Variants in CNOT1 observed in about 807,000 individuals in gnomAD.
CNOT1 encodes CCR4-NOT transcription complex subunit 1.
A neutral mutation model predicts 273.8 loss-of-function variants in CNOT1; 15 were observed. The ratio of observed to expected loss-of-function variants is 0.05; its 90% confidence interval spans 0.04 to 0.08. The LOEUF (loss-of-function observed/expected upper bound fraction) is 0.08, where lower values mean the gene tolerates loss of function less well. CNOT1 is among the 10% of genes least tolerant of loss of function. The probability of loss-of-function intolerance (pLI) is 1.00; values close to 1 mark genes in which losing one functional copy is unlikely to be tolerated. For synonymous variants in CNOT1, 1,022 were observed against 1,005.5 expected, an observed-to-expected ratio of 1.02 and a Z score of -0.31; for missense variants, 1,644 against 2,912.2, an observed-to-expected ratio of 0.56 and a Z score of 10.02.
chr16:58,603,255 CATG>C (rs1255162127), intron 1 of CNOT1, among the ~76,000 whole-genome samples: 5 of 152,124 alleles, frequency 3.3e-5, no homozygotes, highest in Non-Finnish European at 5.9e-5. Context: ...AAAACCCAGG[CATG>C]GTGGCTCACA....
intron 16 of CNOT1, among the ~76,000 whole-genome samples, chr16:58,569,559 A>ACAC (rs1385662238): frequency 2.0e-5 from 3 of 152,002 alleles, no homozygotes; most frequent in Non-Finnish European, 4.4e-5. Flanking sequence ...TTCCCATCAG[A>ACAC]TACTACACTC....
At chr16:58,558,764 T>C in intron 17 of CNOT1, 90 bp from the exon 18 acceptor site, 1 of 1,512,504 alleles carries the variant, frequency 6.6e-7, no homozygotes. Flanking sequence ...CTCTTCATAA[T>C]CTTAAAAAGC....
At chr16:58,545,544 T>C (rs778048998) in intron 29 of CNOT1, 53 bp from the exon 30 acceptor site, 26 of 1,606,180 alleles carry the variant, frequency 1.6e-5, no homozygotes, top group African/African-American at 4.0e-5. Context: ...TTGACTTTAT[T>C]ATAAAATTAG....
chr16:58,575,583 A>T (rs146055049), intron 14 of CNOT1, among the ~76,000 whole-genome samples: 2 of 152,072 alleles, frequency 1.3e-5, no homozygotes, highest in Non-Finnish European at 2.9e-5. Context: ...TGGATCACCT[A>T]AAGTCAGGAG....
intron 29 of CNOT1, 120 bp from the exon 30 acceptor site, chr16:58,545,611 G>GAACC: frequency 1.0e-5 from 15 of 1,473,642 alleles, no homozygotes; most frequent in East Asian, 2.5e-5. Context: ...GGAGAGGAGG[G>GAACC]AAGGATGTAG....
At chr16:58,613,134 C>A (rs532056843) in intron 1 of CNOT1, among the ~76,000 whole-genome samples, 1 of 152,206 alleles carries the variant, frequency 6.6e-6, no homozygotes, top group African/African-American at 2.4e-5. Flanking sequence ...CAGGTTCAAG[C>A]GATTCTCCTG....
At chr16:58,609,362 ACT>A (rs1435747341) in intron 1 of CNOT1, among the ~76,000 whole-genome samples, 5 of 138,446 alleles carry the variant, frequency 3.6e-5, no homozygotes, top group African/African-American at 1.2e-4. Flanking sequence ...ACAGAGGGAG[ACT>A]CTGTCTCAAA....
intron 25 of CNOT1, among the ~76,000 whole-genome samples, chr16:58,549,296 G>GGAAAAAAAAAAAAAAA: frequency 8.4e-6 from 1 of 119,586 alleles, no homozygotes; most frequent in Non-Finnish European, 1.7e-5. Flanking sequence ...CAAAAAAATT[G>GGAAAAAAAAAAAAAAA]AAAAAAAAAA....
In CNOT1 at chr16:58,528,463, T is replaced by C. The variant is rs189458094; in HGVS notation, c.6453+12A>G. ...AAGACATAAGTTTTCCTTTAACTAG[T>C]TGGAACCTTACCTTTAGATTAGGAG... is the stretch of plus-strand genomic sequence containing the variant. On this transcript the variant is annotated intron_variant, in intron 44 of 48. Coordinates refer to ENST00000317147, the MANE Select transcript of CNOT1 (RefSeq NM_016284.5). 9.8e-4 allele frequency: 1,568 copies of C among 1,602,266 alleles called. 1 individual carries two copies. Among genetic ancestry groups the C allele is most frequent in the Non-Finnish European group, 1.3e-3 (1,493 of 1,170,818 alleles).
rs1326406314 is a variant in CNOT1, at chr16:58,528,620, A to G, written c.6308T>C (p.Leu2103Ser). The stretch of plus-strand genomic sequence containing the variant: ...ACAAAGGAACTCTGGGAAATCATGC[A>G]AAAGAACCAGCAGCACTCTTAAAGT... The part of the protein sequence containing the change: ...KGTLRVLLVL[L>S]HDFPEFLCDY... Residue 2103 changes from leucine (L) to serine (S), a missense_variant, in exon 44 of 49, where the codon TTG becomes TCG. By Grantham distance (145) the Leu-to-Ser change is moderately radical (BLOSUM62 -2). Transcript: ENST00000317147. 1 of 1,613,708 alleles carries G rather than the reference A, an allele frequency of 6.2e-7. No homozygotes were observed.
intron 23 of CNOT1, 83 bp downstream of exon 23, chr16:58,551,506 G>T (rs1237051907): frequency 6.9e-7 from 1 of 1,447,348 alleles, no homozygotes; most frequent in African/African-American, 1.4e-5. Context: ...CATGTGTTAT[G>T]ATAAAATTCT....
At chr16:58,579,423 G>A (rs573001183) in intron 12 of CNOT1, among the ~76,000 whole-genome samples, 1 of 152,092 alleles carries the variant, frequency 6.6e-6, no homozygotes, top group Non-Finnish European at 1.5e-5. Flanking sequence ...CCTATATTAA[G>A]GAACTGTTAT....
chr16:58,553,864 C>T lies in CNOT1; in HGVS notation c.2892-4G>A. 1 of 1,603,940 alleles carries T rather than the reference C, an allele frequency of 6.2e-7. No homozygotes were observed. Among genetic ancestry groups the T allele is most frequent in the East Asian group, 2.3e-5 (1 of 43,964 alleles). ...ATACTGGGGATAGTCCTTCAATCTG[C>T]CAACAAAATTATTCTACCATCATTT... On this transcript the variant is annotated splice_region_variant and splice_polypyrimidine_tract_variant and intron_variant, in intron 21 of 48. Coordinates refer to ENST00000317147, the MANE Select transcript of CNOT1 (RefSeq NM_016284.5).
intron 47 of CNOT1, 101 bp downstream of exon 47, chr16:58,523,269 A>T: frequency 7.6e-7 from 1 of 1,318,000 alleles, no homozygotes; most frequent in Non-Finnish European, 1.0e-6. Flanking sequence ...AAAACCAACC[A>T]AACGGATTTT....
At position 58,559,256 on chromosome 16, in the gene CNOT1, A is replaced by G. The variant is rs955706459; in HGVS notation, c.2131-582T>C. Among the ~76,000 whole-genome samples, 67 of 152,318 alleles carry G rather than the reference A, an allele frequency of 4.4e-4. No individual in the cohort carries two copies. The Middle Eastern group carries it at 0.01, about 23-fold the overall frequency. Reference sequence around the variant, plus strand: ...TTTACAGATTAAGGATGCTCAACCTATAACAGAGCCATAAAAAGGGCTACA... The same window carrying G: ...TTTACAGATTAAGGATGCTCAACCTGTAACAGAGCCATAAAAAGGGCTACA... On this transcript the variant is annotated intron_variant, in intron 17 of 48. Transcript: ENST00000317147.
At position 58,582,896 on chromosome 16, in the gene CNOT1, G is replaced by A. The variant is rs761331218; in HGVS notation, c.941C>T (p.Ser314Phe). The change falls in exon 10 of 49, where the codon TCT (serine) becomes TTT (phenylalanine). Residue 314 changes from serine to phenylalanine, a missense_variant. Transcript: ENST00000317147. Reference sequence around the variant, plus strand: ...ACTCCAGATCCCACTGCCCGGAGCAGAAATACTCTGTAGAAGTAAAACTTG... The same window carrying A: ...ACTCCAGATCCCACTGCCCGGAGCAAAAATACTCTGTAGAAGTAAAACTTG... ...LTDGIPLQSI[S>F]APGSGIWSDG... is the part of the protein sequence containing the mutation. 6.2e-7 allele frequency: 1 copy of A among 1,612,562 alleles called. No homozygotes were observed.
chr16:58,608,776 A>G (rs1011840716), intron 1 of CNOT1, among the ~76,000 whole-genome samples: 3 of 152,222 alleles, frequency 2.0e-5, no homozygotes, highest in African/African-American at 7.2e-5. Context: ...ACGGAATAGT[A>G]CTCAGCCATA....
intron 39 of CNOT1, 78 bp downstream of exon 39, chr16:58,536,911 A>G: frequency 1.3e-6 from 2 of 1,558,630 alleles, no homozygotes; most frequent in Non-Finnish European, 1.7e-6. Flanking sequence ...ACATGTACGC[A>G]ATACTGAGCT....
rs961760335 is a variant in CNOT1, at chr16:58,520,217, T to TA, written c.*740dup. The stretch of plus-strand genomic sequence containing the variant: ...CCCTTTCCTATATTCCCACTGTTTT[T>TA]AAGTTTCAGGAGAGGATTGGGGGGG... On this transcript the variant is annotated 3_prime_UTR_variant, in exon 49 of 49. Transcript: ENST00000317147. 1.4e-5 allele frequency: 2 copies of TA among 147,526 alleles called. No individual in the cohort carries two copies. Among genetic ancestry groups the TA allele is most frequent in the African/African-American group, 5.1e-5 (2 of 39,370 alleles). 9.1% of individuals were successfully genotyped at this position (147,526 alleles called of 1,614,324 possible).
Sources: allele counts gnomAD v4.1 joint callset (sites outside exome capture counted in the v4.1 genomes callset), GRCh38; gene constraint gnomAD v4.1.1; transcripts MANE v1.5; gene names NCBI Gene and HGNC (gene_info 2026-07-23, HGNC 2026-07-21).